SLC9A6: variants seen among roughly 807,000 people sequenced by gnomAD.
SLC9A6 encodes sodium/hydrogen exchanger 6.
In SLC9A6, 6 loss-of-function variants were observed where a neutral mutation model predicts 45.3. That is an observed-to-expected ratio of 0.13 (90% CI 0.07 to 0.26). The LOEUF is 0.26. Among genes scored for constraint, SLC9A6 ranks in the 10% least tolerant of loss-of-function variants. SLC9A6 has a pLI of 1.00. For synonymous variants in SLC9A6, 191 were observed against 187.7 expected (o/e 1.02, Z -0.14); for missense variants, 278 against 503.7 (o/e 0.55, Z 4.29).
upstream of SLC9A6, among the ~76,000 whole-genome samples, chrX:135,980,442 A>G (rs2037829824): frequency 9.0e-6 from 1 of 111,536 alleles, no homozygotes; most frequent in African/African-American, 3.3e-5. Flanking sequence ...CTAGTATTAC[A>G]CTGAGTGAAG....
intron 13 of SLC9A6, 71 bp from the exon 14 acceptor site, chrX:136,028,815 T>C (rs1187791865): frequency 3.5e-6 from 1 of 285,129 alleles, no homozygotes; most frequent in Non-Finnish European, 6.1e-6. Flanking sequence ...CTTCTAGTAC[T>C]GCTATTTTTT....
rs782470829 is a variant in SLC9A6 at position 136,002,178 on chromosome X, T to C, written c.708T>C (p.Ser236=). Residue 236 remains serine, a synonymous_variant, in exon 7 of 18, where the codon AGT becomes AGC. Transcript: ENST00000630721. ...VELYALLFGE[S]VLNDAVAIVL... Reference sequence around the variant, plus strand: ...TCTATGCACTTCTTTTTGGTGAAAGTGTCCTCAATGATGCTGTTGCCATAG... The same window carrying C: ...TCTATGCACTTCTTTTTGGTGAAAGCGTCCTCAATGATGCTGTTGCCATAG... 8.3e-7 allele frequency: 1 copy of C among 1,202,340 alleles called. No homozygotes were observed. Among genetic ancestry groups the C allele is most frequent in the Non-Finnish European group, 1.1e-6 (1 of 886,824 alleles).
At chrX:136,013,151 A>G (rs1415186061) in intron 9 of SLC9A6, 97 bp downstream of exon 9, 1 of 724,699 alleles carries the variant, frequency 1.4e-6, no homozygotes, top group Non-Finnish European at 2.2e-6. Flanking sequence ...GTATTTGAAC[A>G]TACTTATTGT....
chrX:135,982,396 G>A (rs1024090055), upstream of SLC9A6, among the ~76,000 whole-genome samples: 1 of 108,249 alleles, frequency 9.2e-6, no homozygotes, highest in African/African-American at 3.4e-5. Context: ...GGTGGAGGGC[G>A]GGGGTTGGGG....
At position 135,994,725 on chromosome X, in the gene SLC9A6, G is replaced by A. The variant is rs181303335; in HGVS notation, c.170-61G>A. 6.5e-3 allele frequency: 6,861 copies of A among 1,051,493 alleles called. 40 individuals carry two copies. The highest frequency in any genetic ancestry group is 6.7e-3 in the Non-Finnish European group (5,054 of 750,625). The allele number at this position is 1,051,493 out of a possible 1,213,427, so 86.7% of individuals were successfully genotyped here. A position where few individuals can be genotyped will look rare whatever the true frequency, so the allele number is the denominator to read the frequency against. Reference sequence around the variant, plus strand: ...GATTTTCTCTTATCCATAGTTATGCGTGGGGTACAAAAGAAGTGGTCTCTG... The same window carrying A: ...GATTTTCTCTTATCCATAGTTATGCATGGGGTACAAAAGAAGTGGTCTCTG... On this transcript the variant is annotated intron_variant, in intron 2 of 17. Coordinates refer to ENST00000630721, the MANE Select transcript of SLC9A6 (RefSeq NM_001379110.1).
rs532915161 is a variant in SLC9A6, at chrX:136,019,883, G to A, written c.1195-2703G>A. On this transcript the variant is annotated intron_variant, in intron 11 of 17. Coordinates refer to ENST00000630721, the MANE Select transcript of SLC9A6 (RefSeq NM_001379110.1). ...TGTCATGTCCCCTTAGGCTCTGCCT[G>A]ACTGTGACAGTTTCTCATATGTGTT... is the stretch of plus-strand genomic sequence containing the variant. Among the ~76,000 whole-genome samples, 3 of 112,086 alleles carry A rather than the reference G, an allele frequency of 2.7e-5. No individual in the cohort carries two copies. In the South Asian group the frequency reaches 1.1e-3, roughly 42 times the overall value.
At chrX:135,999,200 A>C (rs1381618767) in intron 6 of SLC9A6, among the ~76,000 whole-genome samples, 7 of 108,914 alleles carry the variant, frequency 6.4e-5, no homozygotes, top group African/African-American at 2.0e-4. Flanking sequence ...TTACTGGTCC[A>C]CAAGTTGACG....
intron 7 of SLC9A6, 58 bp from the exon 8 acceptor site, chrX:136,010,384 A>C: frequency 8.7e-7 from 1 of 1,150,859 alleles, no homozygotes; most frequent in Non-Finnish European, 1.2e-6. Context: ...TATACTACAT[A>C]ATGTTTTTTT....
At chrX:136,002,565 C>A (rs1173425835) in intron 7 of SLC9A6, among the ~76,000 whole-genome samples, 1 of 103,045 alleles carries the variant, frequency 9.7e-6, no homozygotes, top group Non-Finnish European at 2.0e-5. Flanking sequence ...TATTTTCTTT[C>A]TTTTTTTTTT....
At chrX:136,034,504 A>C (rs782182994) in intron 16 of SLC9A6, among the ~76,000 whole-genome samples, 15 of 111,729 alleles carry the variant, frequency 1.3e-4, no homozygotes, top group Middle Eastern at 4.6e-3. Flanking sequence ...TTGAAAATTC[A>C]CCTAGCAAAA....
chrX:136,038,919 T>A (rs1312116105), intron 16 of SLC9A6, among the ~76,000 whole-genome samples: 1 of 110,991 alleles, frequency 9.0e-6, no homozygotes, highest in African/African-American at 3.3e-5. Context: ...TTCCAGTTTT[T>A]TAGTAGCTTT....
intron 7 of SLC9A6, among the ~76,000 whole-genome samples, chrX:136,002,636 A>G (rs2089599317): frequency 9.2e-6 from 1 of 108,948 alleles, no homozygotes; most frequent in East Asian, 2.9e-4. Flanking sequence ...ATCTCGGCTC[A>G]GTGCAACCTC....
chrX:135,998,386 G>T, intron 4 of SLC9A6, 96 bp from the exon 5 acceptor site: 1 of 621,239 alleles, frequency 1.6e-6, no homozygotes, highest in South Asian at 2.9e-5. Flanking sequence ...TAATCCTAGT[G>T]AATAATGCAT....
intron 1 of SLC9A6, among the ~76,000 whole-genome samples, chrX:135,977,407 A>G (rs1241735532): frequency 2.7e-5 from 3 of 111,921 alleles, no homozygotes; most frequent in African/African-American, 9.8e-5. Flanking sequence ...TAATTGACTT[A>G]TTACATGCCA....
At chrX:135,989,850 T>C (rs1354664973) in intron 2 of SLC9A6, among the ~76,000 whole-genome samples, 1 of 111,674 alleles carries the variant, frequency 9.0e-6, no homozygotes, top group Non-Finnish European at 1.9e-5. Flanking sequence ...CAGGAATGTG[T>C]AGGAGGGTTA....
chrX:136,041,111 CTG>C (rs781786741), intron 17 of SLC9A6, among the ~76,000 whole-genome samples: 2 of 109,796 alleles, frequency 1.8e-5, no homozygotes, highest in South Asian at 3.9e-4. Context: ...GAGTGAGACT[CTG>C]TATCAAAAGA....
At chrX:135,992,984 T>C (rs1275960815) in intron 2 of SLC9A6, among the ~76,000 whole-genome samples, 1 of 111,725 alleles carries the variant, frequency 9.0e-6, no homozygotes, top group Non-Finnish European at 1.9e-5. Flanking sequence ...TGAAAGGCAA[T>C]AGGAAGGTAA....
At chrX:136,032,318 C>G (rs971393371) in intron 15 of SLC9A6, among the ~76,000 whole-genome samples, 1 of 112,381 alleles carries the variant, frequency 8.9e-6, no homozygotes, top group African/African-American at 3.2e-5. Flanking sequence ...GTGATATACC[C>G]GCCTTGGCTT....
At chrX:135,987,145 G>A (rs1338135274) in intron 2 of SLC9A6, among the ~76,000 whole-genome samples, 2 of 111,898 alleles carry the variant, frequency 1.8e-5, no homozygotes, top group Admixed American at 1.9e-4. Context: ...CTGAGCCTGC[G>A]TGTAAAATAT....
Sources: gnomAD v4.1 joint callset for allele counts (sites outside exome capture counted in the v4.1 genomes callset) on GRCh38, gnomAD v4.1.1 for gene constraint, MANE v1.5 for transcripts, NCBI Gene and HGNC (gene_info 2026-07-23, HGNC 2026-07-21) for gene names.